SUPT3H: variants seen among roughly 807,000 people sequenced by gnomAD.
SUPT3H encodes the protein transcription initiation protein SPT3 homolog.
SUPT3H carries 44 observed loss-of-function variants against 44.3 expected under a neutral mutation model. That is an observed-to-expected ratio of 0.99 (90% confidence interval 0.78 to 1.28). The LOEUF (loss-of-function observed/expected upper bound fraction) is 1.28. Among genes scored for constraint, SUPT3H ranks in the 50% most tolerant of loss-of-function variants. The pLI is 0.00. For synonymous variants in SUPT3H, 124 were observed against 125.6 expected (o/e 0.99, Z 0.09); for missense variants, 380 against 387.1 (o/e 0.98, Z 0.15).
chr6:45,026,714 A>G (rs72867458), intron 3 of SUPT3H, among the ~76,000 whole-genome samples: 2,206 of 152,152 alleles, frequency 0.014, 24 homozygotes, highest in South Asian at 0.025. Context: ...AGCTTATAAT[A>G]CTTGTTTTAT....
rs577567756 is a variant in SUPT3H at position 45,023,767 on chromosome 6, A to G, written c.187-3135T>C. On this transcript the variant is annotated intron_variant, in intron 3 of 10. Transcript: ENST00000371459. The stretch of plus-strand genomic sequence containing the variant: ...GACACTGGGGCCTACTTGAAGGTGG[A>G]AGGAGGGAGAGGAGAAGAAAGGATA... 3.2e-4 allele frequency among the ~76,000 whole-genome samples: 49 copies of G among 152,226 alleles called. No homozygotes were observed. In the East Asian group the frequency reaches 3.9e-3, roughly 12 times the overall value.
Position 44,954,587 on chromosome 6 carries a change from G to A in SUPT3H, c.601C>T (p.Arg201Ter). 1 of 1,610,940 alleles carries A rather than the reference G, an allele frequency of 6.2e-7. No individual in the cohort carries two copies. The highest frequency in any genetic ancestry group is 8.5e-7 in the Non-Finnish European group (1 of 1,179,246). Residue 201 changes from arginine to a stop codon, truncating the protein, a stop_gained, in exon 8 of 11, where the codon CGA (arginine) becomes TGA (stop). Transcript: ENST00000371459. LOFTEE classifies it high-confidence loss of function. ...ATACTGCTGCAGTCCAACCAGTCTC[G>A]AAATTTGGAAGCTTTTTTGGCTGGC... ...LSFSKKASKF[R>*]DWLDCSSMEI...
rs1562279869 is a variant in SUPT3H, at chr6:45,021,719, T to A, written c.187-1087A>T. 3.9e-5 allele frequency among the ~76,000 whole-genome samples: 6 copies of A among 152,036 alleles called. No homozygotes were observed. In the South Asian group the frequency reaches 1.0e-3, roughly 26 times the overall value. ...AAATATATGAAATCAAATAGTACATTTGTGCTAAAGAAATTCTGCTTGAAT... is the reference window on the plus strand; with the variant it reads ...AAATATATGAAATCAAATAGTACATATGTGCTAAAGAAATTCTGCTTGAAT... On this transcript the variant is annotated intron_variant, in intron 3 of 10. Transcript: ENST00000371459.
chr6:45,287,691 T>C (rs1268809991), intron 2 of SUPT3H, among the ~76,000 whole-genome samples: 1 of 152,156 alleles, frequency 6.6e-6, no homozygotes, highest in East Asian at 1.9e-4. Flanking sequence ...TGAATAGGTG[T>C]AATGATTATG....
At chr6:45,080,074 T>A (rs1454304090) in intron 3 of SUPT3H, among the ~76,000 whole-genome samples, 1 of 152,064 alleles carries the variant, frequency 6.6e-6, no homozygotes, top group Non-Finnish European at 1.5e-5. Context: ...ATAACCAGAA[T>A]ATATAAGGAG....
At chr6:44,912,866 T>C (rs1011026813) in intron 10 of SUPT3H, among the ~76,000 whole-genome samples, 3 of 152,196 alleles carry the variant, frequency 2.0e-5, no homozygotes, top group African/African-American at 4.8e-5. Flanking sequence ...GGAGGCACCA[T>C]AGATGTTCAG....
intron 11 of SUPT3H, among the ~76,000 whole-genome samples, chr6:44,814,990 A>G (rs899534550): frequency 2.0e-5 from 3 of 152,098 alleles, no homozygotes; most frequent in African/African-American, 4.8e-5. Context: ...AATTTTTTTC[A>G]TAACAGAAAT....
chr6:44,881,306 G>A (rs968149620), intron 10 of SUPT3H, among the ~76,000 whole-genome samples: 4 of 152,074 alleles, frequency 2.6e-5, no homozygotes, highest in African/African-American at 9.7e-5. Flanking sequence ...ATTACATAAT[G>A]GTAAAGGGAT....
intron 2 of SUPT3H, among the ~76,000 whole-genome samples, chr6:45,187,101 TAAAAAAAAAAAAAA>T (rs70996308): frequency 2.5e-5 from 2 of 79,842 alleles, no homozygotes; most frequent in African/African-American, 9.3e-5. Flanking sequence ...TTTTCGCCTT[TAAAAAAAAAAAAAA>T]AAAAAAAAAA....
intron 2 of SUPT3H, among the ~76,000 whole-genome samples, chr6:45,214,111 C>T (rs1364953253): frequency 6.8e-6 from 1 of 146,248 alleles, no homozygotes; most frequent in African/African-American, 2.5e-5. Flanking sequence ...TGAGCAAACA[C>T]AGCTCACAGC....
At position 45,124,752 on chromosome 6, in the gene SUPT3H, T is replaced by C. The variant is rs1208455608; in HGVS notation, c.102-18746A>G. Among the ~76,000 whole-genome samples the C allele has an allele frequency of 3.3e-5, 5 of 152,118 alleles. No individual in the cohort carries two copies. In the East Asian group the frequency reaches 9.6e-4, roughly 29 times the overall value. On this transcript the variant is annotated intron_variant, in intron 2 of 10. Coordinates refer to ENST00000371459, the MANE Select transcript of SUPT3H (RefSeq NM_003599.4). ...AATAAAAAAACTGTTATAGGTTGAA[T>C]TGTGTCCTTCCAAAAACAATGTATA...
chr6:45,073,774 T>C (rs1794676267), intron 3 of SUPT3H, among the ~76,000 whole-genome samples: 1 of 151,986 alleles, frequency 6.6e-6, no homozygotes, highest in South Asian at 2.1e-4. Flanking sequence ...TTCTTTACTA[T>C]CAGCTATGAA....
At chr6:45,302,465 T>TAG (rs1782279713) in intron 2 of SUPT3H, among the ~76,000 whole-genome samples, 1 of 116,266 alleles carries the variant, frequency 8.6e-6, no homozygotes, top group African/African-American at 2.8e-5. Context: ...ATTCCATATA[T>TAG]ACATATATAT....
intron 1 of SUPT3H, among the ~76,000 whole-genome samples, chr6:45,367,710 A>T (rs1362530501): frequency 6.6e-6 from 1 of 152,204 alleles, no homozygotes; most frequent in Non-Finnish European, 1.5e-5. Flanking sequence ...TTTGACAGAC[A>T]TGCCATTCCA....
chr6:45,208,724 A>C (rs1200415532), intron 2 of SUPT3H, among the ~76,000 whole-genome samples: 1 of 11,726 alleles, frequency 8.5e-5, no homozygotes, highest in Admixed American at 4.9e-4. Context: ...ACTCTGTCTC[A>C]AAAAAAAAAA....
At chr6:44,964,351 G>A (rs1057073530) in intron 6 of SUPT3H, among the ~76,000 whole-genome samples, 13 of 150,488 alleles carry the variant, frequency 8.6e-5, no homozygotes, top group Non-Finnish European at 1.3e-4. Context: ...TGGCTGGACA[G>A]AAAAGATTTG....
intron 2 of SUPT3H, among the ~76,000 whole-genome samples, chr6:45,204,250 A>AAGAAGAAGAAGAAGAAGAAGAAG (rs1762860332): frequency 2.4e-4 from 34 of 143,152 alleles, no homozygotes; most frequent in Admixed American, 4.9e-4. Context: ...CCGTCTCAAA[A>AAGAAGAAGAAGAAGAAGAAGAAG]AAGAAGAAGA....
chr6:45,019,774 C>A (rs1166959659), intron 4 of SUPT3H, among the ~76,000 whole-genome samples: 1 of 151,968 alleles, frequency 6.6e-6, no homozygotes, highest in Non-Finnish European at 1.5e-5. Flanking sequence ...ATCATACAAC[C>A]TTGAAGTTTC....
At chr6:45,293,202 T>C (rs1780588110) in intron 2 of SUPT3H, among the ~76,000 whole-genome samples, 1 of 151,914 alleles carries the variant, frequency 6.6e-6, no homozygotes, top group Non-Finnish European at 1.5e-5. Flanking sequence ...GCCACGCAAA[T>C]ACATGGAAAT....
Sources: gnomAD v4.1 joint callset for allele counts (sites outside exome capture counted in the v4.1 genomes callset) on GRCh38, gnomAD v4.1.1 for gene constraint, MANE v1.5 for transcripts, NCBI Gene and HGNC (gene_info 2026-07-23, HGNC 2026-07-21) for gene names.